MARCHF7: variants seen among roughly 807,000 people sequenced by gnomAD.
MARCHF7 encodes the protein membrane associated ring-CH-type finger 7.
A neutral mutation model predicts 76.5 loss-of-function variants in MARCHF7; 20 were observed. The observed-to-expected ratio is 0.26, with a 90% CI of 0.18 to 0.38. The LOEUF (loss-of-function observed/expected upper bound fraction) is 0.38. MARCHF7 is among the 10% of genes least tolerant of loss of function. The pLI is 1.00. For missense variants in MARCHF7, 797 were observed against 812.9 expected, an observed-to-expected ratio of 0.98 and a Z score of 0.24; for synonymous variants, 295 against 293.0, an observed-to-expected ratio of 1.01 and a Z score of -0.07.
intron 3 of MARCHF7, among the ~76,000 whole-genome samples, chr2:159,721,100 T>G (rs184564597): frequency 4.3e-4 from 66 of 151,972 alleles, no homozygotes; most frequent in African/African-American, 1.4e-3. Context: ...CTCCTGACTT[T>G]GTGATTCACC....
chr2:159,769,391 C>A lies in MARCHF7; in HGVS notation c.*2049C>A, dbSNP rs1708059826. On this transcript the variant is annotated 3_prime_UTR_variant, in exon 12 of 12. Transcript: ENST00000409175. ...AGTGTGGTGGCTCACGCATGTAATC[C>A]CAGCACTTTGGGAGACCAAGGTGGG... 1.3e-5 allele frequency: 2 copies of A among 152,110 alleles called. No homozygotes were observed. The highest frequency in any genetic ancestry group is 4.8e-5 in the African/African-American group (2 of 41,400). 9.4% of individuals were successfully genotyped at this position (152,110 alleles called of 1,614,324 possible).
At chr2:159,737,863 T>G (rs935486613) in intron 4 of MARCHF7, among the ~76,000 whole-genome samples, 3 of 152,210 alleles carry the variant, frequency 2.0e-5, no homozygotes, top group Non-Finnish European at 4.4e-5. Context: ...ACATAGTTGA[T>G]GGGACTGTAA....
At chr2:159,744,231 GC>G (rs1284449914) in intron 5 of MARCHF7, among the ~76,000 whole-genome samples, 1 of 151,728 alleles carries the variant, frequency 6.6e-6, no homozygotes, top group Non-Finnish European at 1.5e-5. Context: ...CTCGTGATCC[GC>G]CCACCTCGGC....
chr2:159,752,696 T>C (rs1705798233), intron 8 of MARCHF7, 125 bp downstream of exon 8: 2 of 904,684 alleles, frequency 2.2e-6, no homozygotes, highest in African/African-American at 3.5e-5. Context: ...ATTTTTGAAG[T>C]CTCAGCAGAA....
At chr2:159,731,625 A>G (rs1702801160) in intron 4 of MARCHF7, among the ~76,000 whole-genome samples, 1 of 150,678 alleles carries the variant, frequency 6.6e-6, no homozygotes, top group African/African-American at 2.4e-5. Context: ...GTGGTGGCGC[A>G]TGCCTGTAGT....
At chr2:159,729,240 G>C (rs1702500807) in intron 4 of MARCHF7, 65 bp downstream of exon 4, 1 of 1,173,748 alleles carries the variant, frequency 8.5e-7, no homozygotes, top group East Asian at 2.7e-5. Context: ...CACTCTTTTG[G>C]GGGTATTTAA....
chr2:159,760,871 C>G (rs938429984), intron 9 of MARCHF7, among the ~76,000 whole-genome samples: 1 of 152,062 alleles, frequency 6.6e-6, no homozygotes, highest in Non-Finnish European at 1.5e-5. Context: ...AAAACAGTGA[C>G]AGCCTTGATT....
At chr2:159,751,987 TAA>T (rs1705710640) in intron 7 of MARCHF7, among the ~76,000 whole-genome samples, 2 of 152,218 alleles carry the variant, frequency 1.3e-5, no homozygotes, top group Non-Finnish European at 2.9e-5. Flanking sequence ...GCAAAAGTGA[TAA>T]GTTTATCTTA....
At chr2:159,744,296 G>A (rs1436492639) in intron 5 of MARCHF7, among the ~76,000 whole-genome samples, 3 of 152,132 alleles carry the variant, frequency 2.0e-5, no homozygotes, top group Non-Finnish European at 4.4e-5. Flanking sequence ...CCTAGTAGGA[G>A]TTCTATACAA....
At chr2:159,746,021 G>C in intron 6 of MARCHF7, 84 bp downstream of exon 6, 1 of 1,055,754 alleles carries the variant, frequency 9.5e-7, no homozygotes, top group Admixed American at 2.7e-5. Flanking sequence ...CAGTACAAAG[G>C]AGTAAAGTGT....
Position 159,759,257 on chromosome 2 carries a change from A to G in MARCHF7, c.1815A>G (p.Glu605=). 1 of 1,610,810 alleles carries G rather than the reference A, an allele frequency of 6.2e-7. No individual in the cohort carries two copies. Among genetic ancestry groups the G allele is most frequent in the South Asian group, 1.1e-5 (1 of 90,712 alleles). ...GSSLEAVTTC[E]LCKEKLELNL... ...CATTAGAAGCTGTAACCACCTGTGA[A>G]CTATGTAAAGAGAAGTTGGAGCTTA... The change falls in exon 9 of 12, where the codon GAA becomes GAG. Residue 605 remains glutamate (E), a synonymous_variant. Coordinates refer to ENST00000409175, the MANE Select transcript of MARCHF7 (RefSeq NM_001282805.2).
rs180901429 is a variant in MARCHF7, at chr2:159,749,047, C to T, written c.1613+144C>T. On this transcript the variant is annotated intron_variant, in intron 7 of 11. Transcript: ENST00000409175. ...AGGCTGGAGTGTAATGGCACCATCT[C>T]GGCTCACTGCAGCCTCGGCCTTCCA... 1.3e-4 allele frequency: 119 copies of T among 927,020 alleles called. 1 individual carries two copies. The African/African-American group carries it at 1.3e-3, about 10-fold the overall frequency. The allele number at this position is 927,020 out of a possible 1,614,324, so 57.4% of individuals were successfully genotyped here. A position where few individuals can be genotyped will look rare whatever the true frequency, so the allele number is the denominator to read the frequency against.
At chr2:159,737,086 T>G (rs1703545019) in intron 4 of MARCHF7, among the ~76,000 whole-genome samples, 1 of 152,222 alleles carries the variant, frequency 6.6e-6, no homozygotes, top group African/African-American at 2.4e-5. Flanking sequence ...GAAAGAAACC[T>G]CTTTAAACTC....
intron 8 of MARCHF7, among the ~76,000 whole-genome samples, chr2:159,755,494 C>T (rs1259847247): frequency 2.0e-5 from 3 of 152,080 alleles, no homozygotes; most frequent in Admixed American, 6.6e-5. Flanking sequence ...GGGTGGGCAA[C>T]TACTCTCACT....
At chr2:159,733,663 G>A (rs1272800440) in intron 4 of MARCHF7, 1 of 985,038 alleles carries the variant, frequency 1.0e-6, no homozygotes, top group African/African-American at 1.7e-5. Flanking sequence ...AAGAGGGTCA[G>A]GGGGTAGGAC....
intron 4 of MARCHF7, among the ~76,000 whole-genome samples, chr2:159,736,327 T>C (rs1242262533): frequency 1.3e-5 from 2 of 152,260 alleles, no homozygotes; most frequent in Non-Finnish European, 2.9e-5. Context: ...AAGTGGTATG[T>C]ATCTCATTGT....
chr2:159,737,985 T>C (rs1315550170), intron 4 of MARCHF7, among the ~76,000 whole-genome samples: 2 of 152,328 alleles, frequency 1.3e-5, no homozygotes, highest in East Asian at 1.9e-4. Flanking sequence ...TTCTGCCTAC[T>C]CGGACTGGCA....
intron 4 of MARCHF7, among the ~76,000 whole-genome samples, chr2:159,729,538 T>A (rs1171776447): frequency 2.0e-5 from 3 of 151,994 alleles, no homozygotes; most frequent in Admixed American, 6.6e-5. Flanking sequence ...CTGGACATGG[T>A]GGCACACACC....
intron 9 of MARCHF7, among the ~76,000 whole-genome samples, chr2:159,761,159 G>A (rs1351682759): frequency 2.0e-5 from 3 of 150,984 alleles, no homozygotes; most frequent in Non-Finnish European, 4.4e-5. Flanking sequence ...CCAAGTAGGT[G>A]GGATTGCCAC....
Sources: allele counts gnomAD v4.1 joint callset (sites outside exome capture counted in the v4.1 genomes callset), GRCh38; gene constraint gnomAD v4.1.1; transcripts MANE v1.5; gene names NCBI Gene and HGNC (gene_info 2026-07-23, HGNC 2026-07-21).